FZR1: variants seen among roughly 807,000 people sequenced by gnomAD.
FZR1 encodes the protein fizzy-related protein homolog.
In FZR1, 11 loss-of-function variants were observed where a neutral mutation model predicts 63.6. The observed-to-expected ratio is 0.17, with a 90% CI of 0.11 to 0.29. FZR1 has a LOEUF of 0.29. Among genes scored for constraint, FZR1 ranks in the 10% least tolerant of loss-of-function variants. The pLI is 1.00. For synonymous variants in FZR1, 328 were observed against 297.9 expected (o/e 1.10, Z -1.04); for missense variants, 440 against 687.5 (o/e 0.64, Z 4.03).
rs1402140603 is a variant in FZR1 at position 3,525,464 on chromosome 19, A to C, written c.70-404A>C. 1.3e-5 allele frequency among the ~76,000 whole-genome samples: 1 copy of C among 78,924 alleles called. No individual in the cohort carries two copies. Among genetic ancestry groups the C allele is most frequent in the African/African-American group, 6.2e-5 (1 of 16,166 alleles). The allele number at this position is 78,924 out of a possible 152,430, so 51.8% of individuals were successfully genotyped here. ...TTTTTTTTTTTTTTTTTTTTTTGAG[A>C]CGGAGTCTCGCTCTGTCGCCCAGGC... On this transcript the variant is annotated intron_variant, in intron 2 of 13. Transcript: ENST00000441788. This position sits in a 1 kb window ranked among gnomAD's most constrained non-coding sequence, Gnocchi z 4.2.
chr19:3,524,268 A>G (rs1046304444), intron 2 of FZR1, among the ~76,000 whole-genome samples: 3 of 152,190 alleles, frequency 2.0e-5, no homozygotes, highest in Non-Finnish European at 2.9e-5. Flanking sequence ...GGCGGGGCGC[A>G]GTGCGAGGAT....
rs556482650 is a variant in FZR1, at chr19:3,530,292, G to A, written c.655-500G>A. On this transcript the variant is annotated intron_variant, in intron 7 of 13. Coordinates refer to ENST00000441788, the MANE Select transcript of FZR1 (RefSeq NM_016263.4). ...CGGATGGGAGAGCGGATGGGAGAGC[G>A]CAGGGGAGAGCGGAGGAGAGAGCGG... 4.1e-4 allele frequency among the ~76,000 whole-genome samples: 55 copies of A among 134,182 alleles called. 5 individuals are homozygous for A. The highest frequency in any genetic ancestry group is 5.8e-4 in the Admixed American group (8 of 13,716). 88.0% of individuals were successfully genotyped at this position (134,182 alleles called of 152,430 possible).
rs57486013 is a variant in FZR1, at chr19:3,525,432, C to CTTTTTTTTTTTTTTTTTTT, written c.70-426_70-408dup. 4.4e-5 allele frequency among the ~76,000 whole-genome samples: 3 copies of CTTTTTTTTTTTTTTTTTTT among 68,700 alleles called. No individual in the cohort carries two copies. The highest frequency in any genetic ancestry group is 1.8e-4 in the African/African-American group (3 of 16,514). 45.1% of individuals were successfully genotyped at this position (68,700 alleles called of 152,430 possible). On this transcript the variant is annotated intron_variant, in intron 2 of 13. Coordinates refer to ENST00000441788, the MANE Select transcript of FZR1 (RefSeq NM_016263.4). The surrounding 1 kb of genome is among the most constrained non-coding windows in gnomAD (Gnocchi z 4.2). Reference sequence around the variant, plus strand: ...TGTGTGGCTCCCCTCCTTGGGTTTTCTTTTTTTTTTTTTTTTTTTTTTTTT... The same window carrying CTTTTTTTTTTTTTTTTTTT: ...TGTGTGGCTCCCCTCCTTGGGTTTTCTTTTTTTTTTTTTTTTTTTTTTTTTTTTTTTTTTTTTTTTTTTT...
intron 9 of FZR1, 26 bp downstream of exon 9, chr19:3,531,842 G>T: frequency 6.5e-7 from 1 of 1,550,204 alleles, no homozygotes; most frequent in Non-Finnish European, 8.7e-7. Flanking sequence ...CCCATGGCTG[G>T]TGAGCTCCCT....
intron 11 of FZR1, 52 bp downstream of exon 11, chr19:3,532,702 T>C: frequency 7.8e-7 from 1 of 1,287,100 alleles, no homozygotes; most frequent in Non-Finnish European, 1.1e-6. Context: ...TGCGTCCTGC[T>C]GGCCCCTTAC....
Position 3,513,806 on chromosome 19 carries a change from G to T in FZR1, c.-35+7332G>T, listed in dbSNP as rs11666985. The stretch of plus-strand genomic sequence containing the variant: ...GGCTGGAGTTACCCTTACCCAAGGC[G>T]GTCCTGCCCCAGTGTCCACTGGGCC... On this transcript the variant is annotated intron_variant, in intron 1 of 13. Transcript: ENST00000441788. Among the ~76,000 whole-genome samples, 594 of 152,272 alleles carry T rather than the reference G, an allele frequency of 3.9e-3. 3 individuals carry two copies. Among genetic ancestry groups the T allele is most frequent in the Middle Eastern group, 0.01 (3 of 294 alleles).
At position 3,526,207 on chromosome 19, in the gene FZR1, C is replaced by G; in HGVS notation, c.259+24C>G. 1.9e-6 allele frequency: 3 copies of G among 1,612,006 alleles called. No individual in the cohort carries two copies. The highest frequency in any genetic ancestry group is 8.5e-7 in the Non-Finnish European group (1 of 1,179,860). ...AGGTTAGGGTCCCAGCCCATCCGCC[C>G]TGCAGGCCCCCACCCTGCCTTGCCC... On this transcript the variant is annotated intron_variant, in intron 4 of 13. Coordinates refer to ENST00000441788, the MANE Select transcript of FZR1 (RefSeq NM_016263.4). This position sits in a 1 kb window ranked among gnomAD's most constrained non-coding sequence, Gnocchi z 5.4.
rs753637347 is a variant in FZR1 at position 3,527,682 on chromosome 19, C to A, written c.522C>A (p.Ile174=). ...AACCCACCCGCAAGATCTCCAAGAT[C>A]CCCTTCAAGGTGCTGGACGCGCCCG... ...PRKPTRKISK[I]PFKVLDAPEL... The change falls in exon 7 of 14, where the codon ATC becomes ATA. Residue 174 remains isoleucine, a synonymous_variant. Transcript: ENST00000441788. 2 of 1,612,142 alleles carry A rather than the reference C, an allele frequency of 1.2e-6. No individual in the cohort carries two copies. Among genetic ancestry groups the A allele is most frequent in the Admixed American group, 3.3e-5 (2 of 60,004 alleles).
intron 7 of FZR1, among the ~76,000 whole-genome samples, chr19:3,528,234 G>C (rs981676051): frequency 6.6e-6 from 1 of 152,266 alleles, no homozygotes. Flanking sequence ...GCCTCTGGGC[G>C]CATGGAGCCT....
Position 3,533,393 on chromosome 19 carries a change from T to C in FZR1, c.1342T>C (p.Tyr448His). Residue 448 changes from tyrosine to histidine, a missense_variant, in exon 12 of 14, where the codon TAC (tyrosine) becomes CAC (histidine). By Grantham distance (83) the Tyr-to-His change is moderately conservative (BLOSUM62 2). This residue lies in a region of FZR1 where 208 missense variants were observed against 363.6 expected (regional missense o/e 0.57). Transcript: ENST00000441788. The surrounding 1 kb of genome is among the most constrained non-coding windows in gnomAD (Gnocchi z 4.9). ...GACCGGGCACTCCTACCGCGTGCTG[T>C]ACCTGGTGAGTTCACGCCAGGCACT... is the stretch of plus-strand genomic sequence containing the variant. Reference protein sequence around the residue: ...KLTGHSYRVLYLAMSPDGEAI... With the variant: ...KLTGHSYRVLHLAMSPDGEAI... 1 of 1,603,140 alleles carries C rather than the reference T, an allele frequency of 6.2e-7. No individual in the cohort carries two copies. Among genetic ancestry groups the C allele is most frequent in the Non-Finnish European group, 8.5e-7 (1 of 1,170,918 alleles).
intron 1 of FZR1, among the ~76,000 whole-genome samples, chr19:3,511,328 C>A (rs749571921): frequency 6.6e-6 from 1 of 152,208 alleles, no homozygotes; most frequent in Non-Finnish European, 1.5e-5. Context: ...AGCTGCCCCC[C>A]ACACAGGGAA....
rs932538478 is a variant in FZR1 at position 3,526,681 on chromosome 19, G to T, written c.387+295G>T. On this transcript the variant is annotated intron_variant, in intron 5 of 13. Coordinates refer to ENST00000441788, the MANE Select transcript of FZR1 (RefSeq NM_016263.4). This position sits in a 1 kb window ranked among gnomAD's most constrained non-coding sequence, Gnocchi z 5.4. ...GTCCCGAACACCCAAGCCGGTGGGG[G>T]TCCTGCCCGTAGGGGGCAGTACTGG... Among the ~76,000 whole-genome samples, 1 of 152,190 alleles carries T rather than the reference G, an allele frequency of 6.6e-6. No individual in the cohort carries two copies. Among genetic ancestry groups the T allele is most frequent in the African/African-American group, 2.4e-5 (1 of 41,448 alleles).
chr19:3,510,923 C>T (rs948374893), intron 1 of FZR1, among the ~76,000 whole-genome samples: 2 of 152,244 alleles, frequency 1.3e-5, no homozygotes, highest in Non-Finnish European at 2.9e-5. Context: ...CCCAAATGTC[C>T]GCAGCGCTGA....
At chr19:3,509,939 G>A (rs995065519) in intron 1 of FZR1, among the ~76,000 whole-genome samples, 4 of 152,140 alleles carry the variant, frequency 2.6e-5, no homozygotes, top group Middle Eastern at 3.4e-3. Context: ...TGTGGCGACC[G>A]TCCTTGTTGC....
At position 3,533,266 on chromosome 19, in the gene FZR1, C is replaced by G; in HGVS notation, c.1243-28C>G. On this transcript the variant is annotated intron_variant, in intron 11 of 13. Coordinates refer to ENST00000441788, the MANE Select transcript of FZR1 (RefSeq NM_016263.4). This position sits in a 1 kb window ranked among gnomAD's most constrained non-coding sequence, Gnocchi z 4.9. Reference sequence around the variant, plus strand: ...AGCACCCGGCCTCGTTGCCCCTCACCGACCGCAGCGCCCCCTCCGCCCTCC... The same window carrying G: ...AGCACCCGGCCTCGTTGCCCCTCACGGACCGCAGCGCCCCCTCCGCCCTCC... 2.8e-6 allele frequency: 4 copies of G among 1,426,690 alleles called. No homozygotes were observed. Among genetic ancestry groups the G allele is most frequent in the Non-Finnish European group, 4.0e-6 (4 of 1,011,616 alleles). The allele number at this position is 1,426,690 out of a possible 1,614,324, so 88.4% of individuals were successfully genotyped here. A position where few individuals can be genotyped will look rare whatever the true frequency, so the allele number is the denominator to read the frequency against.
In FZR1 at chr19:3,514,340, C is replaced by T. The variant is rs994660782; in HGVS notation, c.-35+7866C>T. 1.3e-5 allele frequency among the ~76,000 whole-genome samples: 2 copies of T among 152,140 alleles called. No homozygotes were observed. The highest frequency in any genetic ancestry group is 2.4e-5 in the African/African-American group (1 of 41,442). On this transcript the variant is annotated intron_variant, in intron 1 of 13. Coordinates refer to ENST00000441788, the MANE Select transcript of FZR1 (RefSeq NM_016263.4). This position sits in a 1 kb window ranked among gnomAD's most constrained non-coding sequence, Gnocchi z 4.2. ...TTCAAGTCACTTCCCTGGTTTTGCC[C>T]GAGAGCAGGGTCTCTGCCCTTGCAC...
In FZR1 at chr19:3,514,902, G is replaced by A. The variant is rs928154741; in HGVS notation, c.-34-8054G>A. ...AGACTGAAGGCTTGCCCGGGGCAGT[G>A]GCAGAAGGAGGCCTCCTGGCTCTTC... On this transcript the variant is annotated intron_variant, in intron 1 of 13. Coordinates refer to ENST00000441788, the MANE Select transcript of FZR1 (RefSeq NM_016263.4). This position sits in a 1 kb window ranked among gnomAD's most constrained non-coding sequence, Gnocchi z 4.2. Among the ~76,000 whole-genome samples, 3 of 152,224 alleles carry A rather than the reference G, an allele frequency of 2.0e-5. No homozygotes were observed. Among genetic ancestry groups the A allele is most frequent in the African/African-American group, 7.2e-5 (3 of 41,460 alleles).
chr19:3,534,634 C>A, intron 13 of FZR1, 121 bp downstream of exon 13: 1 of 905,360 alleles, frequency 1.1e-6, no homozygotes, highest in Non-Finnish European at 1.8e-6. Context: ...GCTTCCCTCA[C>A]CTCAAATTCT....
intron 7 of FZR1, among the ~76,000 whole-genome samples, chr19:3,528,950 G>GATGGGTGAGTGGATGGGAGAGCA (rs2083195215): frequency 6.7e-6 from 1 of 149,872 alleles, no homozygotes; most frequent in Non-Finnish European, 1.5e-5. Context: ...ATGGGAGAGC[G>GATGGGTGAGTGGATGGGAGAGCA]GATGGGTGAG....
Sources: gnomAD v4.1 joint callset for allele counts (sites outside exome capture counted in the v4.1 genomes callset) on GRCh38, gnomAD v4.1.1 for gene constraint, gnomAD v4.1.1 regional missense constraint, Gnocchi (gnomAD v3.1) non-coding constraint, MANE v1.5 for transcripts, NCBI Gene and HGNC (gene_info 2026-07-23, HGNC 2026-07-21) for gene names.